GPC5: variants seen among roughly 807,000 people sequenced by gnomAD.
GPC5 encodes glypican-5.
A neutral mutation model predicts 53.9 loss-of-function variants in GPC5; 47 were observed. That is an observed-to-expected ratio of 0.87 (90% CI 0.69 to 1.11). The LOEUF (loss-of-function observed/expected upper bound fraction) is 1.11. Among genes scored for constraint, GPC5 ranks in the 50% most tolerant of loss-of-function variants. The probability of loss-of-function intolerance (pLI) is 0.00; values close to 1 mark genes in which losing one functional copy is unlikely to be tolerated. For missense variants in GPC5, 748 were observed against 713.1 expected (o/e 1.05, Z -0.56); for synonymous variants, 286 against 263.3 (o/e 1.09, Z -0.84).
intron 7 of GPC5, among the ~76,000 whole-genome samples, chr13:92,681,813 C>G (rs1223225800): frequency 6.6e-6 from 1 of 152,122 alleles, no homozygotes; most frequent in African/African-American, 2.4e-5. Flanking sequence ...TAGCATTTTC[C>G]CTGTTGGCCT....
At chr13:92,016,608 T>C (rs1029095818) in intron 6 of GPC5, among the ~76,000 whole-genome samples, 1 of 152,234 alleles carries the variant, frequency 6.6e-6, no homozygotes, top group East Asian at 1.9e-4. Flanking sequence ...CCTAAGCTTT[T>C]AAATGGTGTG....
chr13:91,936,911 C>A (rs1361984055), intron 6 of GPC5, among the ~76,000 whole-genome samples: 2 of 152,104 alleles, frequency 1.3e-5, no homozygotes, highest in East Asian at 3.9e-4. Flanking sequence ...CACTAGGGCT[C>A]TCAAAATTAT....
intron 7 of GPC5, among the ~76,000 whole-genome samples, chr13:92,419,381 C>T (rs1193850909): frequency 6.6e-6 from 1 of 152,084 alleles, no homozygotes; most frequent in African/African-American, 2.4e-5. Context: ...TTAAATGGTG[C>T]TTTCTTGCTG....
At chr13:91,585,353 A>C (rs1359292465) in intron 2 of GPC5, among the ~76,000 whole-genome samples, 1 of 152,228 alleles carries the variant, frequency 6.6e-6, no homozygotes, top group East Asian at 1.9e-4. Context: ...AGTTCATAAC[A>C]GCATTATTTG....
At chr13:92,046,828 G>A (rs1226092971) in intron 6 of GPC5, among the ~76,000 whole-genome samples, 1 of 152,196 alleles carries the variant, frequency 6.6e-6, no homozygotes, top group Non-Finnish European at 1.5e-5. Context: ...ATGACAGCAT[G>A]CAGACTTCTG....
At chr13:92,482,570 T>A (rs560038058) in intron 7 of GPC5, among the ~76,000 whole-genome samples, 2 of 152,310 alleles carry the variant, frequency 1.3e-5, no homozygotes, top group East Asian at 1.9e-4. Context: ...GGCCAGGGTT[T>A]TTTTCCCCCC....
intron 5 of GPC5, among the ~76,000 whole-genome samples, chr13:91,818,132 A>G (rs1378219042): frequency 6.6e-6 from 1 of 152,238 alleles, no homozygotes; most frequent in African/African-American, 2.4e-5. Context: ...TACCTACCAC[A>G]TATGATATAT....
intron 5 of GPC5, among the ~76,000 whole-genome samples, chr13:91,853,800 C>A (rs2038938713): frequency 6.6e-6 from 1 of 151,872 alleles, no homozygotes; most frequent in African/African-American, 2.4e-5. Flanking sequence ...CTAGAGATAA[C>A]CATTTCTAGG....
At chr13:92,542,637 G>C (rs1282787226) in intron 7 of GPC5, among the ~76,000 whole-genome samples, 1 of 151,902 alleles carries the variant, frequency 6.6e-6, no homozygotes. Context: ...CCTTCCAGAT[G>C]TAAGACTCAC....
At chr13:91,949,085 T>A (rs2040002965) in intron 6 of GPC5, among the ~76,000 whole-genome samples, 2 of 152,148 alleles carry the variant, frequency 1.3e-5, no homozygotes, top group South Asian at 4.1e-4. Context: ...TCATGGCACA[T>A]ATGGAAGCAA....
At chr13:92,850,669 A>T (rs570494612) in intron 7 of GPC5, among the ~76,000 whole-genome samples, 14 of 152,140 alleles carry the variant, frequency 9.2e-5, no homozygotes, top group Non-Finnish European at 1.8e-4. Context: ...TAAAGAAGAA[A>T]GGTCTATAAA....
At chr13:92,263,870 A>G (rs1244756373) in intron 7 of GPC5, among the ~76,000 whole-genome samples, 1 of 152,156 alleles carries the variant, frequency 6.6e-6, no homozygotes, top group Non-Finnish European at 1.5e-5. Context: ...ATGGAAAATC[A>G]TTCATTGGTG....
At chr13:92,131,524 A>T (rs1234490196) in intron 6 of GPC5, among the ~76,000 whole-genome samples, 1 of 152,082 alleles carries the variant, frequency 6.6e-6, no homozygotes, top group Admixed American at 6.5e-5. Context: ...GGTATATATA[A>T]GAATCTCATA....
chr13:91,503,817 A>AATAATCATCATCATCATCATCATC (rs1555316221), intron 2 of GPC5, among the ~76,000 whole-genome samples: 2 of 147,416 alleles, frequency 1.4e-5, no homozygotes, highest in African/African-American at 5.0e-5. Context: ...TAATAATAAT[A>AATAATCATCATCATCATCATCATC]ATCAGGCTGT....
intron 6 of GPC5, among the ~76,000 whole-genome samples, chr13:92,006,158 CAT>C (rs1347505972): frequency 2.0e-5 from 3 of 150,252 alleles, no homozygotes; most frequent in Admixed American, 1.3e-4. Context: ...GCTTTTATGA[CAT>C]ATGTGCAAAC....
At chr13:91,529,086 A>G (rs986278722) in intron 2 of GPC5, among the ~76,000 whole-genome samples, 6 of 152,214 alleles carry the variant, frequency 3.9e-5, no homozygotes, top group African/African-American at 1.4e-4. Flanking sequence ...TTTGGGGATG[A>G]AATGTCAGTA....
chr13:91,837,591 C>A (rs907108685), intron 5 of GPC5, among the ~76,000 whole-genome samples: 2 of 152,122 alleles, frequency 1.3e-5, no homozygotes, highest in Non-Finnish European at 2.9e-5. Context: ...ATTTCTAGTA[C>A]CTTAGCTATG....
chr13:91,650,485 C>A (rs929635764), intron 2 of GPC5, among the ~76,000 whole-genome samples: 1 of 151,932 alleles, frequency 6.6e-6, no homozygotes, highest in African/African-American at 2.4e-5. Flanking sequence ...GTTTAACTAG[C>A]TTTCTCATCT....
At chr13:91,902,671 G>GA (rs1300808195) in intron 5 of GPC5, among the ~76,000 whole-genome samples, 1 of 151,912 alleles carries the variant, frequency 6.6e-6, no homozygotes, top group Admixed American at 6.6e-5. Context: ...ACCTTAAAAA[G>GA]AAAAAGAAGG....
Sources: gnomAD v4.1 joint callset for allele counts (sites outside exome capture counted in the v4.1 genomes callset) on GRCh38, gnomAD v4.1.1 for gene constraint, MANE v1.5 for transcripts, NCBI Gene and HGNC (gene_info 2026-07-23, HGNC 2026-07-21) for gene names.